RBKS: variants seen among roughly 807,000 people sequenced by gnomAD.
RBKS encodes ribokinase.
A neutral mutation model predicts 33.9 loss-of-function variants in RBKS; 33 were observed. The ratio of observed to expected loss-of-function variants is 0.97; its 90% CI spans 0.74 to 1.30. The LOEUF (loss-of-function observed/expected upper bound fraction) is 1.30. Ranked by LOEUF, RBKS falls within the 50% of genes most tolerant of loss-of-function variation. RBKS has a pLI of 0.00. For missense variants in RBKS, 361 were observed against 392.6 expected (o/e 0.92, Z 0.68); for synonymous variants, 125 against 143.0 (o/e 0.87, Z 0.90).
chr2:27,889,656 A>G (rs1353193571), intron 1 of RBKS, among the ~76,000 whole-genome samples: 2 of 152,200 alleles, frequency 1.3e-5, no homozygotes, highest in Non-Finnish European at 2.9e-5. Context: ...TACTGTGTTT[A>G]TGTTTTTATT....
At chr2:27,815,522 A>C (rs1426295464) in intron 7 of RBKS, among the ~76,000 whole-genome samples, 1 of 152,074 alleles carries the variant, frequency 6.6e-6, no homozygotes. Context: ...TCACCTCCTC[A>C]TAATTTCAGG....
At chr2:27,807,111 G>A (rs1359250862) in intron 7 of RBKS, among the ~76,000 whole-genome samples, 2 of 152,154 alleles carry the variant, frequency 1.3e-5, no homozygotes, top group Non-Finnish European at 2.9e-5. Context: ...CTCCAAAAAG[G>A]TTCTGAAAAC....
intron 7 of RBKS, among the ~76,000 whole-genome samples, chr2:27,816,751 C>A (rs897684284): frequency 1.3e-5 from 2 of 152,148 alleles, no homozygotes; most frequent in African/African-American, 2.4e-5. Flanking sequence ...GTGCCTGCCA[C>A]CACGCCCAGC....
chr2:27,884,557 T>A (rs1307622235), intron 1 of RBKS, among the ~76,000 whole-genome samples: 1 of 148,758 alleles, frequency 6.7e-6, no homozygotes. Context: ...CATAACTTTT[T>A]TTTTTTAAGT....
intron 1 of RBKS, among the ~76,000 whole-genome samples, chr2:27,860,134 A>G (rs908482527): frequency 6.6e-6 from 1 of 152,216 alleles, no homozygotes; most frequent in African/African-American, 2.4e-5. Flanking sequence ...ATGCATTTAT[A>G]GTACTGATGA....
chr2:27,836,768 C>T lies in RBKS; in HGVS notation c.515-3991G>A, dbSNP rs147803188. Reference sequence around the variant, plus strand: ...ATGCATCTGACAAAGGTCTAATATGCAGAATCTATAAGGAACTTACATAAA... The same window carrying T: ...ATGCATCTGACAAAGGTCTAATATGTAGAATCTATAAGGAACTTACATAAA... On this transcript the variant is annotated intron_variant, in intron 5 of 7. Coordinates refer to ENST00000302188, the MANE Select transcript of RBKS (RefSeq NM_022128.3). Among the ~76,000 whole-genome samples, 1,282 of 152,024 alleles carry T rather than the reference C, an allele frequency of 8.4e-3. 14 individuals carry two copies. The highest frequency in any genetic ancestry group is 0.03 in the African/African-American group (1,243 of 41,468).
rs968855423 is a variant in RBKS at position 27,793,255 on chromosome 2, A to C, written c.796-11467T>G. Among the ~76,000 whole-genome samples the C allele has an allele frequency of 1.3e-4, 20 of 152,366 alleles. 1 individual carries two copies. The highest frequency in any genetic ancestry group is 4.1e-4 in the African/African-American group (17 of 41,592). On this transcript the variant is annotated intron_variant, in intron 7 of 7. Transcript: ENST00000302188. The stretch of plus-strand genomic sequence containing the variant: ...AATCATAGTGCTGTCTGATTCAGGA[A>C]GGAATCATCAATGGAGGCATTAACA...
At chr2:27,883,459 A>C (rs551712729) in intron 1 of RBKS, among the ~76,000 whole-genome samples, 4 of 152,058 alleles carry the variant, frequency 2.6e-5, no homozygotes, top group Non-Finnish European at 5.9e-5. Context: ...TCGGCCTCCC[A>C]AAGTGCTGGG....
chr2:27,849,204 A>G (rs1464907533), intron 2 of RBKS, among the ~76,000 whole-genome samples: 1 of 151,904 alleles, frequency 6.6e-6, no homozygotes, highest in Admixed American at 6.6e-5. Context: ...TAAAAATTTT[A>G]TTTTATTTTT....
At chr2:27,885,806 A>G (rs931588132) in intron 1 of RBKS, among the ~76,000 whole-genome samples, 4 of 152,214 alleles carry the variant, frequency 2.6e-5, no homozygotes. Flanking sequence ...TCACTGCTGT[A>G]TCCTCTGCAC....
intron 7 of RBKS, among the ~76,000 whole-genome samples, chr2:27,825,771 A>C (rs527756193): frequency 6.6e-6 from 1 of 152,326 alleles, no homozygotes; most frequent in South Asian, 2.1e-4. Flanking sequence ...CTTTGCAATT[A>C]TGTGCACCAA....
At chr2:27,808,012 C>T (rs1573041375) in intron 7 of RBKS, among the ~76,000 whole-genome samples, 1 of 152,286 alleles carries the variant, frequency 6.6e-6, no homozygotes, top group East Asian at 1.9e-4. Flanking sequence ...CAAATGCTGA[C>T]ACAAATTGGT....
At chr2:27,830,798 T>A (rs1678402448) in intron 6 of RBKS, among the ~76,000 whole-genome samples, 1 of 152,106 alleles carries the variant, frequency 6.6e-6, no homozygotes, top group Non-Finnish European at 1.5e-5. Context: ...AGGGGTGGGG[T>A]ACTAGGGTGG....
intron 6 of RBKS, among the ~76,000 whole-genome samples, chr2:27,828,984 T>C (rs1391443747): frequency 2.0e-5 from 3 of 152,176 alleles, no homozygotes; most frequent in Non-Finnish European, 4.4e-5. Context: ...CCTCAAACTC[T>C]TAAGCTCAAG....
chr2:27,790,385 C>T (rs1287437217), intron 7 of RBKS, among the ~76,000 whole-genome samples: 1 of 152,092 alleles, frequency 6.6e-6, no homozygotes, highest in Non-Finnish European at 1.5e-5. Flanking sequence ...AAGCTGTAAC[C>T]TTGTGCTAGG....
intron 7 of RBKS, among the ~76,000 whole-genome samples, chr2:27,817,483 A>C (rs866355931): frequency 3.9e-5 from 6 of 152,188 alleles, no homozygotes; most frequent in African/African-American, 1.4e-4. Flanking sequence ...ATCACTGTCC[A>C]TGTGTATTAG....
At chr2:27,829,953 A>G (rs1433573385) in intron 6 of RBKS, among the ~76,000 whole-genome samples, 1 of 152,046 alleles carries the variant, frequency 6.6e-6, no homozygotes, top group Non-Finnish European at 1.5e-5. Context: ...TATGGTTTCC[A>G]TCTGTGGGCT....
chr2:27,865,703 C>G (rs1664087050), intron 1 of RBKS, among the ~76,000 whole-genome samples: 1 of 151,318 alleles, frequency 6.6e-6, no homozygotes, highest in African/African-American at 2.4e-5. Flanking sequence ...CATAAGTCAC[C>G]ATGCCTGGCT....
At chr2:27,860,338 T>C (rs576902120) in intron 1 of RBKS, among the ~76,000 whole-genome samples, 15 of 152,310 alleles carry the variant, frequency 9.8e-5, no homozygotes, top group South Asian at 4.1e-4. Flanking sequence ...ATCTGTGTGA[T>C]TGAGTAACTA....
Sources: allele counts gnomAD v4.1 joint callset (sites outside exome capture counted in the v4.1 genomes callset), GRCh38; gene constraint gnomAD v4.1.1; transcripts MANE v1.5; gene names NCBI Gene and HGNC (gene_info 2026-07-23, HGNC 2026-07-21).